RAPGEF2: variants seen among roughly 807,000 people sequenced by gnomAD.
The protein encoded by RAPGEF2 is Rap guanine nucleotide exchange factor 2, also known as PDZ domain containing guanine nucleotide exchange factor (GEF) 1.
A neutral mutation model predicts 186.7 loss-of-function variants in RAPGEF2; 54 were observed. The observed-to-expected ratio is 0.29, with a 90% confidence interval of 0.23 to 0.36. The LOEUF (loss-of-function observed/expected upper bound fraction) is 0.36, where lower values mean the gene tolerates loss of function less well. Among genes scored for constraint, RAPGEF2 ranks in the 10% least tolerant of loss-of-function variants. RAPGEF2 has a pLI of 1.00. For synonymous variants in RAPGEF2, 712 were observed against 705.9 expected (o/e 1.01, Z -0.14); for missense variants, 1,532 against 2,045.0 (o/e 0.75, Z 4.84).
At chr4:159,222,636 G>A (rs954341264) in intron 4 of RAPGEF2, among the ~76,000 whole-genome samples, 1 of 152,088 alleles carries the variant, frequency 6.6e-6, no homozygotes, top group South Asian at 2.1e-4. Flanking sequence ...TCTGTGCCCC[G>A]GTTGTTTTTG....
At chr4:159,309,308 C>A (rs1237282936) in intron 8 of RAPGEF2, among the ~76,000 whole-genome samples, 1 of 152,032 alleles carries the variant, frequency 6.6e-6, no homozygotes, top group East Asian at 1.9e-4. Context: ...TATTTCCTTC[C>A]TAGACGCCAA....
At chr4:159,110,021 A>G (rs1168836799) in intron 1 of RAPGEF2, among the ~76,000 whole-genome samples, 1 of 152,222 alleles carries the variant, frequency 6.6e-6, no homozygotes, top group Non-Finnish European at 1.5e-5. Flanking sequence ...GATTAGAAAT[A>G]TTGCAGGAGT....
intron 3 of RAPGEF2, among the ~76,000 whole-genome samples, chr4:159,195,654 C>T (rs1748559366): frequency 6.6e-6 from 1 of 152,088 alleles, no homozygotes. Context: ...AGCTCTTATC[C>T]TAGTCACCAG....
chr4:159,178,551 C>CTTTTGTTTT (rs1746688019), intron 1 of RAPGEF2, among the ~76,000 whole-genome samples: 1 of 75,470 alleles, frequency 1.3e-5, no homozygotes, highest in Non-Finnish European at 2.3e-5. Flanking sequence ...ATGTATTATG[C>CTTTTGTTTT]TTTTTTTTTT....
chr4:159,160,850 G>A (rs971108257), intron 1 of RAPGEF2, among the ~76,000 whole-genome samples: 1 of 152,096 alleles, frequency 6.6e-6, no homozygotes, highest in Non-Finnish European at 1.5e-5. Context: ...TTAAAGTGGA[G>A]TGTACTTACC....
In RAPGEF2 at chr4:159,196,973, T is replaced by G. The variant is rs1290448830; in HGVS notation, c.197+3717T>G. Among the ~76,000 whole-genome samples the G allele has an allele frequency of 4.6e-5, 7 of 152,320 alleles. No homozygotes were observed. In the East Asian group the frequency reaches 1.3e-3, roughly 29 times the overall value. ...GTTTGCATTAGAAAGTTAGAGAAAA[T>G]TAGCTCAACTTTACAGAATGGAAAA... On this transcript the variant is annotated intron_variant, in intron 3 of 29. Coordinates refer to ENST00000691494, the MANE Select transcript of RAPGEF2 (RefSeq NM_001394067.2).
At chr4:159,271,966 C>T (rs2110820681) in intron 7 of RAPGEF2, among the ~76,000 whole-genome samples, 1 of 152,254 alleles carries the variant, frequency 6.6e-6, no homozygotes, top group Admixed American at 6.5e-5. Flanking sequence ...TGTGTTTGGT[C>T]TTACCATGTA....
chr4:159,232,123 T>C lies in RAPGEF2; in HGVS notation c.282-6686T>C, dbSNP rs185402003. 2.3e-3 allele frequency among the ~76,000 whole-genome samples: 347 copies of C among 152,320 alleles called. 2 individuals carry two copies. Among genetic ancestry groups the C allele is most frequent in the South Asian group, 7.0e-3 (34 of 4,830 alleles). On this transcript the variant is annotated intron_variant, in intron 4 of 29. Transcript: ENST00000691494. ...CTTTTTTTAATTGTAGTAAAAATTA[T>C]GTAAAATATGTCATTTTAACTAGTT...
At chr4:159,245,561 C>T (rs145740686) in intron 7 of RAPGEF2, among the ~76,000 whole-genome samples, 15 of 152,062 alleles carry the variant, frequency 9.9e-5, no homozygotes, top group African/African-American at 3.6e-4. Context: ...TGAAGAAAAG[C>T]TATGTTTATT....
At chr4:159,251,934 G>A (rs1409640667) in intron 7 of RAPGEF2, among the ~76,000 whole-genome samples, 1 of 151,950 alleles carries the variant, frequency 6.6e-6, no homozygotes, top group East Asian at 1.9e-4. Context: ...ACGTCTTTAA[G>A]AGCGGTAACA....
At chr4:159,129,415 A>G (rs1243262279) in intron 1 of RAPGEF2, among the ~76,000 whole-genome samples, 1 of 152,194 alleles carries the variant, frequency 6.6e-6, no homozygotes, top group Non-Finnish European at 1.5e-5. Flanking sequence ...GGGAGCACAT[A>G]TCTCAGAACA....
Position 159,143,877 on chromosome 4 carries a change from C to T in RAPGEF2, c.69+39646C>T, listed in dbSNP as rs538087130. On this transcript the variant is annotated intron_variant, in intron 1 of 29. Transcript: ENST00000691494. ...CTTGCAGTAACAGGCAAGAATATGG[C>T]ATTGGGTTGTCATGTGGGGCTGTGA... is the stretch of plus-strand genomic sequence containing the variant. Among the ~76,000 whole-genome samples the T allele has an allele frequency of 2.6e-5, 4 of 152,242 alleles. No homozygotes were observed. The East Asian group carries it at 7.7e-4, about 29-fold the overall frequency.
At position 159,320,354 on chromosome 4, in the gene RAPGEF2, A is replaced by G. The variant is rs182909993; in HGVS notation, c.854-1993A>G. Among the ~76,000 whole-genome samples the G allele has an allele frequency of 2.1e-4, 32 of 152,318 alleles. No individual in the cohort carries two copies. In the East Asian group the frequency reaches 5.0e-3, roughly 24 times the overall value. On this transcript the variant is annotated intron_variant, in intron 9 of 29. Coordinates refer to ENST00000691494, the MANE Select transcript of RAPGEF2 (RefSeq NM_001394067.2). The stretch of plus-strand genomic sequence containing the variant: ...ATTGCTTTACTGCTTCTCCAGGAAT[A>G]AATACATTTTATGGTACAGCACAGA...
intron 9 of RAPGEF2, among the ~76,000 whole-genome samples, chr4:159,315,198 C>T (rs527738041): frequency 7.2e-5 from 11 of 152,154 alleles, no homozygotes; most frequent in South Asian, 2.1e-4. Flanking sequence ...TGTGTGAAGA[C>T]GCAAGTGGGT....
At chr4:159,116,171 T>G (rs912356207) in intron 1 of RAPGEF2, among the ~76,000 whole-genome samples, 5 of 151,968 alleles carry the variant, frequency 3.3e-5, no homozygotes, top group African/African-American at 9.7e-5. Context: ...TGGAGAAAAT[T>G]TTTGCAATCT....
intron 7 of RAPGEF2, among the ~76,000 whole-genome samples, chr4:159,253,236 T>C (rs550290256): frequency 6.6e-6 from 1 of 152,366 alleles, no homozygotes; most frequent in African/African-American, 2.4e-5. Context: ...AAAGATCAGT[T>C]GCAATGAGGA....
At chr4:159,254,600 C>CTG (rs1755908346) in intron 7 of RAPGEF2, among the ~76,000 whole-genome samples, 1 of 124,586 alleles carries the variant, frequency 8.0e-6, no homozygotes, top group African/African-American at 3.1e-5. Flanking sequence ...TACAGCATGA[C>CTG]TTTTTTTTTT....
At chr4:159,284,875 G>A (rs562918468) in intron 7 of RAPGEF2, among the ~76,000 whole-genome samples, 1 of 152,220 alleles carries the variant, frequency 6.6e-6, no homozygotes, top group East Asian at 1.9e-4. Flanking sequence ...AACATAGGGA[G>A]ACTTTGTCTC....
chr4:159,292,242 C>G (rs1017634283), intron 7 of RAPGEF2, among the ~76,000 whole-genome samples: 6 of 152,186 alleles, frequency 3.9e-5, no homozygotes, highest in African/African-American at 1.4e-4. Flanking sequence ...CAATCCCTCT[C>G]CTTGTCAGAG....
Sources: allele counts gnomAD v4.1 joint callset (sites outside exome capture counted in the v4.1 genomes callset), GRCh38; gene constraint gnomAD v4.1.1; transcripts MANE v1.5; gene names NCBI Gene and HGNC (gene_info 2026-07-23, HGNC 2026-07-21).